The following CYRIB variants were observed in gnomAD, a reference collection of about 807,000 sequenced individuals.
CYRIB encodes CYFIP related Rac1 interactor B, also known as CYFIP-related Rac1 interactor B.
In CYRIB, 8 loss-of-function variants were observed where a neutral mutation model predicts 44.2. The observed-to-expected ratio is 0.18, with a 90% CI of 0.11 to 0.33. The LOEUF (loss-of-function observed/expected upper bound fraction) is 0.33. CYRIB is among the 10% of genes least tolerant of loss of function. The probability of loss-of-function intolerance (pLI) is 1.00; values close to 1 mark genes in which losing one functional copy is unlikely to be tolerated. For missense variants in CYRIB, 185 were observed against 382.8 expected (o/e 0.48, Z 4.31); for synonymous variants, 131 against 127.2 (o/e 1.03, Z -0.20).
upstream of CYRIB, among the ~76,000 whole-genome samples, chr8:129,943,622 G>C (rs1174968728): frequency 0.21 from 3 of 14 alleles, no homozygotes; most frequent in Non-Finnish European, 0.38. Context: ...TTTTGAGACA[G>C]GAGTCTCGCT....
chr8:129,978,865 G>A (rs557912911), intron 1 of CYRIB, among the ~76,000 whole-genome samples: 2 of 152,208 alleles, frequency 1.3e-5, no homozygotes, highest in Non-Finnish European at 2.9e-5. Context: ...GCCGGGTGCG[G>A]TGGCTCACGT....
At chr8:129,990,569 T>C (rs552951316) in intron 1 of CYRIB, among the ~76,000 whole-genome samples, 2 of 152,078 alleles carry the variant, frequency 1.3e-5, no homozygotes, top group Non-Finnish European at 2.9e-5. Context: ...TCTGTCAGGC[T>C]AGAGTGTAGT....
chr8:129,857,899 G>C (rs1187305565), intron 5 of CYRIB, among the ~76,000 whole-genome samples: 2 of 152,214 alleles, frequency 1.3e-5, no homozygotes, highest in African/African-American at 4.8e-5. Context: ...AAGTCTCAGG[G>C]TTAATTTCAG....
intron 3 of CYRIB, among the ~76,000 whole-genome samples, chr8:129,877,275 T>A (rs926542557): frequency 6.6e-6 from 1 of 152,212 alleles, no homozygotes; most frequent in Non-Finnish European, 1.5e-5. Context: ...CCTTTACAGT[T>A]AACATTTTAT....
exon 8 of CYRIB, chr8:129,852,213 T>A: frequency 6.4e-7 from 1 of 1,572,172 alleles, no homozygotes; most frequent in African/African-American, 1.4e-5. Flanking sequence ...GCATTGGAGT[T>A]GCCTCAGCAT....
chr8:129,891,554 A>C (rs1428649938), intron 2 of CYRIB, among the ~76,000 whole-genome samples: 1 of 152,224 alleles, frequency 6.6e-6, no homozygotes, highest in African/African-American at 2.4e-5. Context: ...ACATAGTAGT[A>C]CTAAAATCTC....
At chr8:129,940,324 T>G (rs576939072), upstream of CYRIB, among the ~76,000 whole-genome samples, 3 of 152,326 alleles carry the variant, frequency 2.0e-5, no homozygotes, top group African/African-American at 7.2e-5. Flanking sequence ...CGCCCGCGAT[T>G]CCCGGCGCGG....
In CYRIB at chr8:130,005,931, C is replaced by A. The variant is rs531035127; in HGVS notation, c.-296+10439G>T. Among the ~76,000 whole-genome samples the A allele has an allele frequency of 1.2e-4, 19 of 152,214 alleles. 1 individual carries two copies. In the South Asian group the frequency reaches 3.9e-3, roughly 32 times the overall value. On this transcript the variant is annotated intron_variant, in intron 1 of 14. Transcript: ENST00000401979. ...CACCCTCAGAATAGATGACAACGGG[C>A]AGATTACCCTTAACAGATATTTCTC...
chr8:129,922,818 G>GCGC (rs2084521564), intron 1 of CYRIB, among the ~76,000 whole-genome samples: 1 of 150,872 alleles, frequency 6.6e-6, no homozygotes, highest in Non-Finnish European at 1.5e-5. Flanking sequence ...AGCCGAGATC[G>GCGC]CACCACTGCA....
intron 11 of CYRIB, among the ~76,000 whole-genome samples, chr8:129,842,505 G>C (rs1219752283): frequency 6.6e-6 from 1 of 152,212 alleles, no homozygotes; most frequent in Admixed American, 6.5e-5. Flanking sequence ...AGAAAATGCT[G>C]TTCTATCCCA....
chr8:129,862,477 A>ATT, intron 4 of CYRIB, 143 bp from the exon 7 acceptor site: 19 of 578,958 alleles, frequency 3.3e-5, no homozygotes, highest in Non-Finnish European at 4.3e-5. Flanking sequence ...AGTGTTGAAT[A>ATT]TTTTTTTTTT....
intron 2 of CYRIB, among the ~76,000 whole-genome samples, chr8:129,900,458 G>A (rs899638418): frequency 1.3e-5 from 2 of 152,134 alleles, no homozygotes; most frequent in African/African-American, 2.4e-5. Flanking sequence ...CTGGGATTCG[G>A]GGACATCATT....
intron 2 of CYRIB, chr8:129,901,494 T>C (rs1353666281): frequency 2.6e-5 from 4 of 152,220 alleles, no homozygotes; most frequent in African/African-American, 9.6e-5. Flanking sequence ...ATTACAGGCA[T>C]GAGCCACCGT....
intron 2 of CYRIB, among the ~76,000 whole-genome samples, chr8:129,886,615 G>A (rs2062862280): frequency 6.6e-6 from 1 of 151,958 alleles, no homozygotes; most frequent in African/African-American, 2.4e-5. Context: ...CTGCAATGTG[G>A]CTTTTATCCC....
chr8:130,012,952 C>T (rs954412164), intron 1 of CYRIB, among the ~76,000 whole-genome samples: 2 of 152,128 alleles, frequency 1.3e-5, no homozygotes, highest in African/African-American at 2.4e-5. Context: ...GATTACAAGG[C>T]GTCCGTCTTC....
At chr8:129,871,640 T>A in intron 3 of CYRIB, 144 bp from the exon 6 acceptor site, 1 of 794,222 alleles carries the variant, frequency 1.3e-6, no homozygotes, top group Non-Finnish European at 2.0e-6. Context: ...AAGAAAAGAC[T>A]AATACTTTTT....
chr8:129,879,653 C>A (rs2060228227), intron 2 of CYRIB, 182 bp from the exon 5 acceptor site: 7 of 543,808 alleles, frequency 1.3e-5, no homozygotes, highest in Non-Finnish European at 2.2e-5. Context: ...ATATGTAGGA[C>A]CTAGAGGTGA....
At chr8:129,850,806 TA>T in intron 9 of CYRIB, 28 bp downstream of exon 11, 1 of 1,531,106 alleles carries the variant, frequency 6.5e-7, no homozygotes, top group Non-Finnish European at 9.0e-7. Flanking sequence ...ACAGCACTGT[TA>T]AAGTGAAAAA....
chr8:129,849,458 T>A, intron 9 of CYRIB, 89 bp from the exon 12 acceptor site: 6 of 1,303,840 alleles, frequency 4.6e-6, no homozygotes, highest in Non-Finnish European at 6.2e-6. Flanking sequence ...TCTTCTGAAA[T>A]ATTTTATTCA....
Sources: allele counts gnomAD v4.1 joint callset (sites outside exome capture counted in the v4.1 genomes callset), GRCh38; gene constraint gnomAD v4.1.1; transcripts MANE v1.5; gene names NCBI Gene and HGNC (gene_info 2026-07-23, HGNC 2026-07-21).